The following CCDC138 variants were observed in gnomAD, a reference collection of about 807,000 sequenced individuals.
CCDC138 encodes coiled-coil domain containing 138.
A neutral mutation model predicts 82.3 loss-of-function variants in CCDC138; 66 were observed. That is an observed-to-expected ratio of 0.80 (90% CI 0.66 to 0.98). The LOEUF is 0.98. Among genes scored for constraint, CCDC138 ranks in the 50% least tolerant of loss-of-function variants. The pLI is 0.00. For synonymous variants in CCDC138, 297 were observed against 265.4 expected (o/e 1.12, Z -1.16); for missense variants, 816 against 758.9 (o/e 1.08, Z -0.88).
At chr2:108,873,376 T>G in intron 13 of CCDC138, 75 bp from the exon 14 acceptor site, 2 of 1,293,884 alleles carry the variant, frequency 1.5e-6, no homozygotes, top group Non-Finnish European at 1.0e-6. Flanking sequence ...CCTCACATAG[T>G]TCTGATTTTA....
Position 108,873,600 on chromosome 2 carries a change from C to T in CCDC138, c.1832+11C>T. ...ACTTTCCAAAATCAAGTAAGAATTT[C>T]TTATTTCTAACATTTTTTATTGAAA... is the stretch of plus-strand genomic sequence containing the variant. On this transcript the variant is annotated intron_variant, in intron 14 of 14. Transcript: ENST00000295124. The T allele has an allele frequency of 3.9e-6, 6 of 1,546,206 alleles. No individual in the cohort carries two copies. The highest frequency in any genetic ancestry group is 5.3e-6 in the Non-Finnish European group (6 of 1,130,378).
At position 108,814,632 on chromosome 2, in the gene CCDC138, AT is replaced by A. The variant is rs1031587326; in HGVS notation, c.1042-1302del. ...TGCTTTTATATTTCTCTGTCTTTGAATTTTTTTGTTTTTTTATTTTTTAATT... is the reference window on the plus strand; with the variant it reads ...TGCTTTTATATTTCTCTGTCTTTGAATTTTTTGTTTTTTTATTTTTTAATT... On this transcript the variant is annotated intron_variant, in intron 9 of 14. Transcript: ENST00000295124. Among the ~76,000 whole-genome samples the A allele has an allele frequency of 4.5e-3, 674 of 149,016 alleles. 4 individuals carry two copies. The highest frequency in any genetic ancestry group is 0.016 in the African/African-American group (643 of 40,676).
At chr2:108,872,980 G>A (rs776415836) in intron 13 of CCDC138, among the ~76,000 whole-genome samples, 5 of 151,862 alleles carry the variant, frequency 3.3e-5, no homozygotes, top group Non-Finnish European at 5.9e-5. Context: ...TTCCCTTTTT[G>A]CTTTTATGCT....
intron 9 of CCDC138, among the ~76,000 whole-genome samples, chr2:108,814,220 C>T (rs1684362166): frequency 6.6e-6 from 1 of 152,092 alleles, no homozygotes; most frequent in African/African-American, 2.4e-5. Context: ...TGTAATGATA[C>T]ACTCCCATTA....
At chr2:108,815,159 A>G (rs1329626215) in intron 9 of CCDC138, among the ~76,000 whole-genome samples, 1 of 152,192 alleles carries the variant, frequency 6.6e-6, no homozygotes, top group African/African-American at 2.4e-5. Flanking sequence ...ATTGAATGAT[A>G]TACTGGAAAG....
At chr2:108,850,484 C>T (rs1215508274) in intron 12 of CCDC138, among the ~76,000 whole-genome samples, 4 of 152,160 alleles carry the variant, frequency 2.6e-5, no homozygotes, top group Non-Finnish European at 1.5e-5. Context: ...CAGAGTTTCA[C>T]CCTGTCGCCC....
At chr2:108,862,556 A>G (rs1272760265) in intron 13 of CCDC138, among the ~76,000 whole-genome samples, 21 of 152,240 alleles carry the variant, frequency 1.4e-4, no homozygotes, top group Admixed American at 1.4e-3. Context: ...TTTAAATGTT[A>G]TCACCACAAC....
At chr2:108,879,587 T>G (rs979399723), downstream of CCDC138, among the ~76,000 whole-genome samples, 4 of 152,220 alleles carry the variant, frequency 2.6e-5, no homozygotes, top group Non-Finnish European at 5.9e-5. Context: ...CAAGATTAAC[T>G]TTCTAATAGA....
intron 12 of CCDC138, among the ~76,000 whole-genome samples, chr2:108,853,933 T>TAAA (rs1474682551): frequency 1.0e-4 from 13 of 123,820 alleles, no homozygotes; most frequent in African/African-American, 3.7e-4. Context: ...TTATATATAA[T>TAAA]TTATATATAA....
intron 6 of CCDC138, among the ~76,000 whole-genome samples, chr2:108,800,818 C>A (rs1292394712): frequency 5.5e-4 from 65 of 117,210 alleles, no homozygotes; most frequent in African/African-American, 1.9e-3. Context: ...TGATATTCCC[C>A]TTCCTGTGTC....
chr2:108,881,730 AGG>A (rs1216396836), intron 1 of CCDC138, among the ~76,000 whole-genome samples: 1 of 152,214 alleles, frequency 6.6e-6, no homozygotes, highest in Non-Finnish European at 1.5e-5. Context: ...ATCCAAGGAG[AGG>A]GAGAGATGGG....
At chr2:108,814,618 TTC>T (rs1360079133) in intron 9 of CCDC138, among the ~76,000 whole-genome samples, 2 of 151,692 alleles carry the variant, frequency 1.3e-5, no homozygotes, top group Non-Finnish European at 2.9e-5. Flanking sequence ...GCTTTTATAT[TTC>T]TCTGTCTTTG....
rs376181571 is a variant in CCDC138, at chr2:108,827,542, C to T, written c.1206+11437C>T. ...AACAATAAAAATGATTTTGGCTGGG[C>T]GCAGTGGCTCCCGCCTGTAATCCCA... On this transcript the variant is annotated intron_variant, in intron 10 of 14. Coordinates refer to ENST00000295124, the MANE Select transcript of CCDC138 (RefSeq NM_144978.3). Among the ~76,000 whole-genome samples, 18 of 152,144 alleles carry T rather than the reference C, an allele frequency of 1.2e-4. No individual in the cohort carries two copies. In the South Asian group the frequency reaches 3.1e-3, roughly 26 times the overall value.
chr2:108,879,524 A>G (rs1232384617), downstream of CCDC138, among the ~76,000 whole-genome samples: 1 of 152,238 alleles, frequency 6.6e-6, no homozygotes, highest in Non-Finnish European at 1.5e-5. Flanking sequence ...CCAACTGCAT[A>G]TGACAGAAAC....
intron 11 of CCDC138, among the ~76,000 whole-genome samples, chr2:108,845,398 T>A (rs1008434348): frequency 1.3e-5 from 2 of 152,116 alleles, no homozygotes; most frequent in Non-Finnish European, 2.9e-5. Context: ...GGATCAATAC[T>A]GAGTTAGGAA....
intron 7 of CCDC138, among the ~76,000 whole-genome samples, chr2:108,809,843 T>C (rs1683500262): frequency 6.6e-6 from 1 of 152,150 alleles, no homozygotes; most frequent in South Asian, 2.1e-4. Context: ...TCTCACTCTG[T>C]CGCCCAGGCT....
chr2:108,792,553 G>A (rs1680074379), intron 4 of CCDC138, among the ~76,000 whole-genome samples: 1 of 152,228 alleles, frequency 6.6e-6, no homozygotes, highest in South Asian at 2.1e-4. Context: ...AGGGATTGGT[G>A]AGTCGGGAAC....
chr2:108,824,168 A>C (rs1480457497), intron 10 of CCDC138, among the ~76,000 whole-genome samples: 4 of 54,414 alleles, frequency 7.4e-5, no homozygotes, highest in Non-Finnish European at 1.8e-4. Context: ...TTAGAAAAAA[A>C]AATTTTTTCT....
chr2:108,839,824 GT>G lies in CCDC138; in HGVS notation c.1323+533del, dbSNP rs774328500. Among the ~76,000 whole-genome samples the G allele has an allele frequency of 1.0e-4, 15 of 147,076 alleles. No homozygotes were observed. The East Asian group carries it at 1.6e-3, about 15-fold the overall frequency. ...TATCTGCAAATGAAAACAGTGTTGT[GT>G]TTTTTTTTTCTTTTTGATATGTATG... On this transcript the variant is annotated intron_variant, in intron 11 of 14. Transcript: ENST00000295124.
Sources: allele counts gnomAD v4.1 joint callset (sites outside exome capture counted in the v4.1 genomes callset), GRCh38; gene constraint gnomAD v4.1.1; transcripts MANE v1.5; gene names NCBI Gene and HGNC (gene_info 2026-07-23, HGNC 2026-07-21).